The following GALNT13 variants were observed in gnomAD, a reference collection of about 807,000 sequenced individuals.
GALNT13 encodes polypeptide N-acetylgalactosaminyltransferase 13.
Under a neutral mutation model 64.2 loss-of-function variants are expected in GALNT13, and 28 were observed. That is an observed-to-expected ratio of 0.44 (90% CI 0.32 to 0.60). GALNT13 has a LOEUF of 0.60. Among genes scored for constraint, GALNT13 ranks in the 20% least tolerant of loss-of-function variants. GALNT13 has a pLI of 0.05. For missense variants in GALNT13, 577 were observed against 669.8 expected (o/e 0.86, Z 1.53); for synonymous variants, 214 against 224.6 (o/e 0.95, Z 0.42).
At chr2:154,351,926 G>T (rs1696434767) in intron 9 of GALNT13, among the ~76,000 whole-genome samples, 1 of 151,824 alleles carries the variant, frequency 6.6e-6, no homozygotes, top group African/African-American at 2.4e-5. Context: ...TCTCCACAGG[G>T]TTCATTTTTC....
the GALNT13 span, among the ~76,000 whole-genome samples, chr2:153,809,754 A>G: frequency 1.3e-5 from 2 of 152,046 alleles, no homozygotes; most frequent in Non-Finnish European, 2.9e-5. Context: ...ACGCCTTTAT[A>G]TTTTGCTTTC....
intron 4 of GALNT13, among the ~76,000 whole-genome samples, chr2:154,205,395 C>T (rs1457399218): frequency 6.6e-6 from 1 of 151,946 alleles, no homozygotes; most frequent in Non-Finnish European, 1.5e-5. Context: ...TGTTGCTAGT[C>T]CAAGCCAAAG....
rs147716515 is a variant in GALNT13 at position 154,289,369 on chromosome 2, G to A, written c.976-12040G>A. 2.9e-3 allele frequency among the ~76,000 whole-genome samples: 443 copies of A among 152,276 alleles called. 4 individuals carry two copies. Among genetic ancestry groups the A allele is most frequent in the African/African-American group, 0.01 (434 of 41,560 alleles). On this transcript the variant is annotated intron_variant, in intron 8 of 12. Coordinates refer to ENST00000392825, the MANE Select transcript of GALNT13 (RefSeq NM_052917.4). Reference sequence around the variant, plus strand: ...TCACACTGCTGATAAAGAAATACCCGAGACTAGGTGATTTATAAAGGAAAC... The same window carrying A: ...TCACACTGCTGATAAAGAAATACCCAAGACTAGGTGATTTATAAAGGAAAC...
intron 3 of GALNT13, among the ~76,000 whole-genome samples, chr2:153,957,112 G>A (rs1199032632): frequency 6.6e-6 from 1 of 152,140 alleles, no homozygotes; most frequent in African/African-American, 2.4e-5. Context: ...TTGATAGCAT[G>A]CTAGACAAAA....
At chr2:153,753,970 GGAGCCTC>G in the GALNT13 span, among the ~76,000 whole-genome samples, 10 of 152,340 alleles carry the variant, frequency 6.6e-5, no homozygotes, top group East Asian at 1.5e-3. Context: ...TAATAACAGA[GGAGCCTC>G]GCCTCATGGC....
the GALNT13 span, among the ~76,000 whole-genome samples, chr2:153,821,572 G>A: frequency 2.0e-5 from 3 of 152,010 alleles, no homozygotes; most frequent in Non-Finnish European, 4.4e-5. Flanking sequence ...CAAAATCTCT[G>A]GGATGCAGCA....
chr2:154,287,237 G>A (rs1465863679), intron 8 of GALNT13: 6 of 1,095,118 alleles, frequency 5.5e-6, no homozygotes, highest in Non-Finnish European at 8.3e-6. Flanking sequence ...GAAGAAGGCA[G>A]CCATCATCTT....
chr2:153,533,723 C>CTTTTTTTTTTTGTTTTTTTTTTTTTTT, the GALNT13 span, among the ~76,000 whole-genome samples: 1 of 48,732 alleles, frequency 2.1e-5, no homozygotes, highest in Non-Finnish European at 3.6e-5. Flanking sequence ...TGAGGTTTTT[C>CTTTTTTTTTTTGTTTTTTTTTTTTTTT]TTTTTTTTTT....
At chr2:154,092,630 T>C (rs1701871914) in intron 3 of GALNT13, among the ~76,000 whole-genome samples, 1 of 152,010 alleles carries the variant, frequency 6.6e-6, no homozygotes, top group Admixed American at 6.6e-5. Context: ...AAGAAGTGGC[T>C]TGAAGGGTAA....
At chr2:153,986,814 G>C (rs756252947) in intron 3 of GALNT13, among the ~76,000 whole-genome samples, 15 of 151,970 alleles carry the variant, frequency 9.9e-5, no homozygotes, top group Non-Finnish European at 1.8e-4. Context: ...TGGGCAAAAG[G>C]CTGCTCGTGC....
At chr2:153,134,516 C>T in the GALNT13 span, among the ~76,000 whole-genome samples, 1 of 152,162 alleles carries the variant, frequency 6.6e-6, no homozygotes, top group East Asian at 1.9e-4. Context: ...ACACGCTACA[C>T]AATTCTCAGT....
the GALNT13 span, among the ~76,000 whole-genome samples, chr2:153,720,455 G>C: frequency 6.6e-6 from 1 of 151,004 alleles, no homozygotes; most frequent in Non-Finnish European, 1.5e-5. Flanking sequence ...AACAAAGCTG[G>C]ATGGAGAAGG....
the GALNT13 span, among the ~76,000 whole-genome samples, chr2:153,815,904 C>T: frequency 2.0e-5 from 3 of 152,090 alleles, no homozygotes; most frequent in Non-Finnish European, 4.4e-5. Context: ...AACCTACATC[C>T]TAGGATATGT....
chr2:153,554,109 G>T, the GALNT13 span, among the ~76,000 whole-genome samples: 14 of 150,672 alleles, frequency 9.3e-5, no homozygotes, highest in Non-Finnish European at 2.9e-5. Flanking sequence ...GAGGTCAGGA[G>T]ATTGAGACCA....
At chr2:154,014,762 A>G (rs907320745) in intron 3 of GALNT13, among the ~76,000 whole-genome samples, 8 of 148,426 alleles carry the variant, frequency 5.4e-5, no homozygotes, top group African/African-American at 7.5e-5. Flanking sequence ...CCTCCCCAGT[A>G]GCTGGGACTA....
chr2:153,299,541 T>G, the GALNT13 span, among the ~76,000 whole-genome samples: 1 of 152,224 alleles, frequency 6.6e-6, no homozygotes, highest in Non-Finnish European at 1.5e-5. Flanking sequence ...CTATAGCCTT[T>G]TTCGAAGATG....
chr2:153,999,719 A>G (rs894632402), intron 3 of GALNT13, among the ~76,000 whole-genome samples: 1 of 151,926 alleles, frequency 6.6e-6, no homozygotes, highest in Non-Finnish European at 1.5e-5. Flanking sequence ...CTGGTTTGCC[A>G]GTATTTTGTT....
At chr2:153,718,337 C>G in the GALNT13 span, among the ~76,000 whole-genome samples, 1 of 151,758 alleles carries the variant, frequency 6.6e-6, no homozygotes, top group Non-Finnish European at 1.5e-5. Flanking sequence ...TGAAATTTGT[C>G]TTGGGTGCCC....
At position 154,364,922 on chromosome 2, in the gene GALNT13, C is replaced by T. The variant is rs13032906; in HGVS notation, c.1157-31069C>T. Reference sequence around the variant, plus strand: ...CTGACCTCAAGTGATTCGCCCGCCTCGGCCTTCCAAAAGTGCTGGGATTAC... The same window carrying T: ...CTGACCTCAAGTGATTCGCCCGCCTTGGCCTTCCAAAAGTGCTGGGATTAC... On this transcript the variant is annotated intron_variant, in intron 9 of 12. Transcript: ENST00000392825. 1.9e-3 allele frequency among the ~76,000 whole-genome samples: 286 copies of T among 152,288 alleles called. 1 individual carries two copies. Among genetic ancestry groups the T allele is most frequent in the Non-Finnish European group, 3.3e-3 (227 of 68,006 alleles).
Sources: gnomAD v4.1 joint callset for allele counts (sites outside exome capture counted in the v4.1 genomes callset) on GRCh38, gnomAD v4.1.1 for gene constraint, MANE v1.5 for transcripts, NCBI Gene and HGNC (gene_info 2026-07-23, HGNC 2026-07-21) for gene names.